The following PREX1 variants were observed in gnomAD, a reference collection of about 807,000 sequenced individuals.
The protein encoded by PREX1 is phosphatidylinositol-3,4,5-trisphosphate dependent Rac exchange factor 1, also known as phosphatidylinositol 3,4,5-trisphosphate-dependent Rac exchanger 1 protein.
In PREX1, 41 loss-of-function variants were observed where a neutral mutation model predicts 198.3. That is an observed-to-expected ratio of 0.21 (90% CI 0.16 to 0.27). PREX1 has a LOEUF of 0.27. PREX1 is among the 10% of genes least tolerant of loss of function. The pLI is 1.00. For missense variants in PREX1, 1,620 were observed against 2,200.7 expected (o/e 0.74, Z 5.28); for synonymous variants, 843 against 887.2 (o/e 0.95, Z 0.89).
chr20:48,757,466 C>A, intron 1 of PREX1, among the ~76,000 whole-genome samples: 1 of 152,214 alleles, frequency 6.6e-6, no homozygotes, highest in Non-Finnish European at 1.5e-5. Flanking sequence ...CTACTGCATC[C>A]CCTTTTTAGG....
At chr20:48,652,435 G>A in intron 21 of PREX1, 151 bp downstream of exon 21, 2 of 1,102,344 alleles carry the variant, frequency 1.8e-6, no homozygotes, top group South Asian at 1.6e-5. Context: ...GCCAGAACCT[G>A]TCTCCAAAAA....
chr20:48,678,175 C>T (rs1016713394), intron 13 of PREX1, among the ~76,000 whole-genome samples: 7 of 151,958 alleles, frequency 4.6e-5, no homozygotes, highest in Non-Finnish European at 2.9e-5. Context: ...TTAGCCGGGC[C>T]TGGTGGTAGG....
intron 14 of PREX1, among the ~76,000 whole-genome samples, chr20:48,675,216 C>T (rs2089699921): frequency 6.6e-6 from 1 of 152,156 alleles, no homozygotes; most frequent in African/African-American, 2.4e-5. Flanking sequence ...GGGAGTCTGC[C>T]CCTCCCATCC....
rs4616535 is a variant in PREX1 at position 48,632,270 on chromosome 20, C to A, written c.4526+7G>T. 7 of 1,613,374 alleles carry A rather than the reference C, an allele frequency of 4.3e-6. No homozygotes were observed. Among genetic ancestry groups the A allele is most frequent in the Admixed American group, 1.7e-5 (1 of 60,010 alleles). On this transcript the variant is annotated splice_region_variant and intron_variant, in intron 35 of 39. Coordinates refer to ENST00000371941, the MANE Select transcript of PREX1 (RefSeq NM_020820.4). ...TCCTGCCCCCAACGGGGACCCCAGG[C>A]GGATACCTGAGTTTGCGGTAATACT...
chr20:48,660,442 G>T (rs1025296530), intron 15 of PREX1, among the ~76,000 whole-genome samples: 1 of 152,208 alleles, frequency 6.6e-6, no homozygotes, highest in South Asian at 2.1e-4. Context: ...TATGATCATA[G>T]AGTATTCTGC....
chr20:48,779,398 T>A (rs2090278268), intron 1 of PREX1, among the ~76,000 whole-genome samples: 1 of 152,226 alleles, frequency 6.6e-6, no homozygotes, highest in Non-Finnish European at 1.5e-5. Flanking sequence ...GTGGGGAAAG[T>A]AAATTAGTAC....
intron 5 of PREX1, among the ~76,000 whole-genome samples, chr20:48,712,109 C>T (rs2089934506): frequency 6.6e-6 from 1 of 152,226 alleles, no homozygotes; most frequent in Non-Finnish European, 1.5e-5. Flanking sequence ...TGTTGTGGCA[C>T]TTGGGATAAA....
At chr20:48,697,973 C>T (rs982225408) in intron 7 of PREX1, among the ~76,000 whole-genome samples, 4 of 152,248 alleles carry the variant, frequency 2.6e-5, no homozygotes, top group African/African-American at 9.6e-5. Flanking sequence ...CACCAAGTCA[C>T]TCCAGGCATT....
At chr20:48,820,911 G>A (rs750191706) in intron 1 of PREX1, among the ~76,000 whole-genome samples, 19 of 152,194 alleles carry the variant, frequency 1.2e-4, no homozygotes, top group African/African-American at 1.7e-4. Flanking sequence ...CTTCAAGAGG[G>A]ACTTTTGGCC....
chr20:48,719,313 C>A (rs561901925), intron 5 of PREX1, among the ~76,000 whole-genome samples: 2 of 151,444 alleles, frequency 1.3e-5, no homozygotes, highest in Non-Finnish European at 3.0e-5. Context: ...ACCCCCCCCC[C>A]AACTCCCCAA....
At chr20:48,650,256 A>G (rs368481956) in intron 23 of PREX1, 50 bp from the exon 24 acceptor site, 132 of 1,541,344 alleles carry the variant, frequency 8.6e-5, no homozygotes, top group Non-Finnish European at 1.1e-4. Context: ...AGGGTCTGGA[A>G]ATATTGGCCC....
chr20:48,633,118 C>T (rs2089328877), intron 33 of PREX1, among the ~76,000 whole-genome samples: 1 of 152,188 alleles, frequency 6.6e-6, no homozygotes, highest in African/African-American at 2.4e-5. Flanking sequence ...GGCACCCAGA[C>T]CCCATCCTGC....
chr20:48,771,796 C>G (rs2090237159), intron 1 of PREX1, among the ~76,000 whole-genome samples: 1 of 152,208 alleles, frequency 6.6e-6, no homozygotes, highest in African/African-American at 2.4e-5. Context: ...AAATCCTCAC[C>G]ACAGCCCTGT....
At chr20:48,681,407 G>A (rs2089749508) in intron 10 of PREX1, 72 bp from the exon 11 acceptor site, 2 of 1,443,278 alleles carry the variant, frequency 1.4e-6, no homozygotes, top group African/African-American at 1.4e-5. Context: ...CACTAAGCTG[G>A]CCTGGCCACA....
In PREX1 at chr20:48,823,731, G is replaced by C. The variant is rs1203276382; in HGVS notation, c.219+3911C>G. Among the ~76,000 whole-genome samples the C allele has an allele frequency of 2.6e-5, 4 of 152,166 alleles. No homozygotes were observed. The South Asian group carries it at 8.3e-4, about 31-fold the overall frequency. ...CGGAGGTGAAACATCACACAGACCTGGGTTCAAATCCCAGTTCTGCCACCT... is the reference window on the plus strand; with the variant it reads ...CGGAGGTGAAACATCACACAGACCTCGGTTCAAATCCCAGTTCTGCCACCT... On this transcript the variant is annotated intron_variant, in intron 1 of 39. Transcript: ENST00000371941.
chr20:48,651,628 G>A (rs2089498759), intron 21 of PREX1, 45 bp from the exon 22 acceptor site: 1 of 1,569,574 alleles, frequency 6.4e-7, no homozygotes, highest in Non-Finnish European at 8.7e-7. Flanking sequence ...TCAGAGGGAG[G>A]GAGGAAGGCG....
At chr20:48,835,200 G>A in the PREX1 span, among the ~76,000 whole-genome samples, 5 of 152,182 alleles carry the variant, frequency 3.3e-5, no homozygotes, top group East Asian at 1.9e-4. Flanking sequence ...GTTTCCTTGC[G>A]CTGAAACAGC....
At chr20:48,760,228 T>G (rs1180495772) in intron 1 of PREX1, among the ~76,000 whole-genome samples, 2 of 152,112 alleles carry the variant, frequency 1.3e-5, no homozygotes, top group Non-Finnish European at 2.9e-5. Flanking sequence ...TAAGGAAACC[T>G]GGATTTGGAT....
the PREX1 span, among the ~76,000 whole-genome samples, chr20:48,877,846 C>T: frequency 2.0e-5 from 3 of 152,268 alleles, no homozygotes; most frequent in Admixed American, 6.5e-5. Context: ...TGGTGGCTCA[C>T]GCCTATAATC....
Sources: allele counts gnomAD v4.1 joint callset (sites outside exome capture counted in the v4.1 genomes callset), GRCh38; gene constraint gnomAD v4.1.1; transcripts MANE v1.5; gene names NCBI Gene and HGNC (gene_info 2026-07-23, HGNC 2026-07-21).